Variants in ATG10 observed in about 807,000 individuals in gnomAD.
ATG10 encodes ubiquitin-like-conjugating enzyme ATG10.
In ATG10, 30 loss-of-function variants were observed where a neutral mutation model predicts 32.1. The observed-to-expected ratio is 0.94, with a 90% CI of 0.70 to 1.27. The LOEUF (loss-of-function observed/expected upper bound fraction) is 1.27, where lower values mean the gene tolerates loss of function less well. ATG10 is among the 50% of genes most tolerant of loss of function. The pLI is 0.00. For missense variants in ATG10, 233 were observed against 262.3 expected, an observed-to-expected ratio of 0.89 and a Z score of 0.77; for synonymous variants, 87 against 91.5, an observed-to-expected ratio of 0.95 and a Z score of 0.28.
intron 5 of ATG10, among the ~76,000 whole-genome samples, chr5:82,193,824 C>T (rs556968035): frequency 2.0e-5 from 3 of 152,228 alleles, no homozygotes; most frequent in African/African-American, 7.2e-5. Context: ...GACATCAGTT[C>T]CTTTATCGGA....
chr5:82,144,434 A>G (rs1767267316), intron 3 of ATG10, among the ~76,000 whole-genome samples: 1 of 151,930 alleles, frequency 6.6e-6, no homozygotes, highest in Non-Finnish European at 1.5e-5. Flanking sequence ...TTTGTTATTC[A>G]ATAAAAGGAT....
intron 3 of ATG10, among the ~76,000 whole-genome samples, chr5:82,098,050 C>G (rs949842917): frequency 1.3e-5 from 2 of 152,142 alleles, no homozygotes; most frequent in African/African-American, 4.8e-5. Flanking sequence ...TCAACAGTGG[C>G]CGCTTGACCA....
intron 1 of ATG10, among the ~76,000 whole-genome samples, chr5:81,977,987 A>G (rs1760916186): frequency 6.6e-6 from 1 of 152,260 alleles, no homozygotes; most frequent in Non-Finnish European, 1.5e-5. Context: ...AAATAAAAAT[A>G]TGGCACTTGG....
intron 1 of ATG10, among the ~76,000 whole-genome samples, chr5:81,982,738 A>G (rs1344533701): frequency 1.3e-5 from 2 of 152,148 alleles, no homozygotes; most frequent in African/African-American, 2.4e-5. Flanking sequence ...GTCCCTGATT[A>G]CTTGAGATTA....
chr5:82,084,359 G>A (rs1023957906), intron 3 of ATG10, among the ~76,000 whole-genome samples: 6 of 152,198 alleles, frequency 3.9e-5, no homozygotes, highest in African/African-American at 1.4e-4. Context: ...CGTCTGATTG[G>A]TGTACCTGAA....
chr5:82,007,832 C>T lies in ATG10; in HGVS notation c.108+20154C>T, dbSNP rs986994429. Among the ~76,000 whole-genome samples the T allele has an allele frequency of 1.1e-3, 164 of 151,980 alleles. 1 individual carries two copies. Among genetic ancestry groups the T allele is most frequent in the Admixed American group, 2.7e-3 (41 of 15,248 alleles). On this transcript the variant is annotated intron_variant, in intron 2 of 7. Coordinates refer to ENST00000282185, the MANE Select transcript of ATG10 (RefSeq NM_031482.5). ...TGTGTCATATATATATATGCACACACATATATATATTTGTTGGAAATAATT... is the reference window on the plus strand; with the variant it reads ...TGTGTCATATATATATATGCACACATATATATATATTTGTTGGAAATAATT...
chr5:82,163,000 T>G (rs990145316), intron 3 of ATG10, among the ~76,000 whole-genome samples: 2 of 152,142 alleles, frequency 1.3e-5, no homozygotes, highest in Non-Finnish European at 2.9e-5. Flanking sequence ...TTTATGTACT[T>G]GTGCAATATT....
chr5:82,065,977 G>GT (rs1174099277), intron 3 of ATG10, among the ~76,000 whole-genome samples: 1 of 151,430 alleles, frequency 6.6e-6, no homozygotes, highest in African/African-American at 2.4e-5. Flanking sequence ...TAAGGTGTAA[G>GT]TTTTTTTTAA....
At chr5:82,098,233 A>T (rs1765134949) in intron 3 of ATG10, among the ~76,000 whole-genome samples, 1 of 151,938 alleles carries the variant, frequency 6.6e-6, no homozygotes, top group Non-Finnish European at 1.5e-5. Flanking sequence ...AAAGAGATAG[A>T]CTATATGGCA....
intron 3 of ATG10, among the ~76,000 whole-genome samples, chr5:82,160,909 A>G (rs1427900362): frequency 3.3e-5 from 5 of 152,174 alleles, no homozygotes; most frequent in Admixed American, 1.3e-4. Flanking sequence ...ACATACTTAC[A>G]TAGGAGGAAA....
intron 3 of ATG10, among the ~76,000 whole-genome samples, chr5:82,108,489 A>G (rs189790326): frequency 2.3e-3 from 356 of 152,060 alleles, no homozygotes; most frequent in Non-Finnish European, 2.6e-3. Context: ...ACATGTGTAT[A>G]TATCTCATGT....
chr5:82,232,895 AG>A (rs1375986724), intron 5 of ATG10, among the ~76,000 whole-genome samples: 1 of 152,102 alleles, frequency 6.6e-6, no homozygotes, highest in African/African-American at 2.4e-5. Flanking sequence ...CTTCCTTTCT[AG>A]CTTCAGGGTT....
At position 81,985,644 on chromosome 5, in the gene ATG10, C is replaced by T. The variant is rs143246513; in HGVS notation, c.-12-1915C>T. Among the ~76,000 whole-genome samples the T allele has an allele frequency of 1.6e-4, 25 of 152,326 alleles. No individual in the cohort carries two copies. In the East Asian group the frequency reaches 4.8e-3, roughly 29 times the overall value. ...CTTGGAATCTTTTCTCTCCCCTGTC[C>T]CTCACCAATCTTTTCAGTTGTATTG... is the stretch of plus-strand genomic sequence containing the variant. On this transcript the variant is annotated intron_variant, in intron 1 of 7. Coordinates refer to ENST00000282185, the MANE Select transcript of ATG10 (RefSeq NM_031482.5).
chr5:82,255,705 G>A lies in ATG10; in HGVS notation c.*1642G>A, dbSNP rs1024741336. Reference sequence around the variant, plus strand: ...AAGCTGAACTTGCTTCCTAATGTTTGTCTAGGCCTTACATGGATAGTAAGG... The same window carrying A: ...AAGCTGAACTTGCTTCCTAATGTTTATCTAGGCCTTACATGGATAGTAAGG... On this transcript the variant is annotated 3_prime_UTR_variant, in exon 8 of 8. Coordinates refer to ENST00000282185, the MANE Select transcript of ATG10 (RefSeq NM_031482.5). 6.6e-6 allele frequency: 1 copy of A among 152,094 alleles called. No homozygotes were observed. The highest frequency in any genetic ancestry group is 1.5e-5 in the Non-Finnish European group (1 of 68,022). The allele number at this position is 152,094 out of a possible 1,614,324, so 9.4% of individuals were successfully genotyped here. A position where few individuals can be genotyped will look rare whatever the true frequency, so the allele number is the denominator to read the frequency against.
chr5:82,003,431 AC>A (rs1403781691), intron 2 of ATG10, among the ~76,000 whole-genome samples: 1 of 152,196 alleles, frequency 6.6e-6, no homozygotes, highest in Non-Finnish European at 1.5e-5. Context: ...AAGTGTACAA[AC>A]TGAGCCTGGG....
At chr5:82,242,549 A>G (rs1746846013) in intron 5 of ATG10, among the ~76,000 whole-genome samples, 1 of 152,134 alleles carries the variant, frequency 6.6e-6, no homozygotes, top group African/African-American at 2.4e-5. Flanking sequence ...AAAAATGAAA[A>G]GAAATCCACA....
chr5:82,182,576 A>G (rs1036640877), intron 5 of ATG10, among the ~76,000 whole-genome samples: 7 of 152,156 alleles, frequency 4.6e-5, no homozygotes, highest in Non-Finnish European at 1.0e-4. Flanking sequence ...AGCAACCCGG[A>G]TGAATCTTCA....
chr5:82,080,720 A>G lies in ATG10; in HGVS notation c.216+22118A>G, dbSNP rs1315157495. ...GGGCTCTATTCTGTTCCATTGGTCT[A>G]TATCTCTGTTTTGGTACCAGTACCA... is the stretch of plus-strand genomic sequence containing the variant. On this transcript the variant is annotated intron_variant, in intron 3 of 7. Coordinates refer to ENST00000282185, the MANE Select transcript of ATG10 (RefSeq NM_031482.5). 2.6e-5 allele frequency among the ~76,000 whole-genome samples: 4 copies of G among 152,136 alleles called. No individual in the cohort carries two copies. The East Asian group carries it at 7.7e-4, about 29-fold the overall frequency.
intron 5 of ATG10, among the ~76,000 whole-genome samples, chr5:82,246,362 T>C (rs965925984): frequency 7.2e-5 from 11 of 152,106 alleles, no homozygotes; most frequent in Admixed American, 2.0e-4. Context: ...TGAGCCACCA[T>C]GCTCGGCCAA....
Sources: gnomAD v4.1 joint callset for allele counts (sites outside exome capture counted in the v4.1 genomes callset) on GRCh38, gnomAD v4.1.1 for gene constraint, MANE v1.5 for transcripts, NCBI Gene and HGNC (gene_info 2026-07-23, HGNC 2026-07-21) for gene names.